Variants in ARHGEF2 observed in about 807,000 individuals in gnomAD.
ARHGEF2 encodes the protein Rho/Rac guanine nucleotide exchange factor 2, also known as rho guanine nucleotide exchange factor 2.
ARHGEF2 carries 22 observed loss-of-function variants against 121.0 expected under a neutral mutation model. The ratio of observed to expected loss-of-function variants is 0.18; its 90% CI spans 0.13 to 0.26. The LOEUF (loss-of-function observed/expected upper bound fraction) is 0.26, where lower values mean the gene tolerates loss of function less well. Among genes scored for constraint, ARHGEF2 ranks in the 10% least tolerant of loss-of-function variants. The pLI, the probability that ARHGEF2 is intolerant of heterozygous loss-of-function variation, is 1.00. For synonymous variants in ARHGEF2, 487 were observed against 530.0 expected (o/e 0.92, Z 1.11); for missense variants, 907 against 1,336.0 (o/e 0.68, Z 5.01).
chr1:155,961,258 T>C lies in ARHGEF2; in HGVS notation c.1468+403A>G, dbSNP rs1046630271. Among the ~76,000 whole-genome samples the C allele has an allele frequency of 4.6e-5, 7 of 151,438 alleles. No individual in the cohort carries two copies. Among genetic ancestry groups the C allele is most frequent in the Non-Finnish European group, 8.8e-5 (6 of 67,876 alleles). On this transcript the variant is annotated intron_variant, in intron 11 of 21. Transcript: ENST00000361247. The surrounding 1 kb of genome is among the most constrained non-coding windows in gnomAD (Gnocchi z 4.7). ...GAGTCTCACTGTTGTATGGGCTGCATAAAGGGAGGTTGATTCTTTTTTTTT... is the reference window on the plus strand; with the variant it reads ...GAGTCTCACTGTTGTATGGGCTGCACAAAGGGAGGTTGATTCTTTTTTTTT...
intron 1 of ARHGEF2, among the ~76,000 whole-genome samples, chr1:155,971,900 TAC>T (rs1157573122): frequency 4.9e-4 from 73 of 150,382 alleles, no homozygotes; most frequent in African/African-American, 1.7e-3. Context: ...AAAAAATATA[TAC>T]ATATATATAT....
intron 1 of ARHGEF2, among the ~76,000 whole-genome samples, chr1:155,976,228 G>A (rs1311094611): frequency 9.2e-5 from 14 of 151,908 alleles, no homozygotes. Flanking sequence ...TCCCACCACA[G>A]TATAAAAAGA....
At chr1:155,963,246 G>A (rs1437349095) in intron 7 of ARHGEF2, 63 bp from the exon 8 acceptor site, 14 of 1,560,430 alleles carry the variant, frequency 9.0e-6, no homozygotes, top group Non-Finnish European at 1.1e-5. Context: ...TGGGGCCCTA[G>A]GATAAGGACC....
At chr1:155,969,483 G>C in intron 1 of ARHGEF2, 183 bp from the exon 2 acceptor site, 1 of 1,427,162 alleles carries the variant, frequency 7.0e-7, no homozygotes, top group Non-Finnish European at 9.2e-7. Flanking sequence ...GGAGTGACCA[G>C]GCCAGGCTCT....
In ARHGEF2 at chr1:155,951,181, T is replaced by C. The variant is rs1675373474; in HGVS notation, c.2351A>G (p.Asp784Gly). The C allele has an allele frequency of 1.2e-6, 2 of 1,607,104 alleles. No individual in the cohort carries two copies. The highest frequency in any genetic ancestry group is 1.7e-6 in the Non-Finnish European group (2 of 1,178,126). ...AGCCCCAGCCCTGCCAGCCTCCCCA[T>C]CCCGAGAGTTGGCTCGGCACAGCTT... ...REKLCRANSR[D>G]GEAGRAGAAP... The change falls in exon 20 of 22, where the codon GAT (aspartate) becomes GGT (glycine). Residue 784 changes from aspartate to glycine, a missense_variant. Physicochemically the swap from Asp to Gly is moderately conservative, Grantham distance 94 (BLOSUM62 -1). This residue lies in a region of ARHGEF2 where 432 missense variants were observed against 559.5 expected (regional missense o/e 0.77). Transcript: ENST00000361247. This position sits in a 1 kb window ranked among gnomAD's most constrained non-coding sequence, Gnocchi z 5.1.
At chr1:155,969,061 A>G (rs1275229168) in intron 2 of ARHGEF2, 95 bp downstream of exon 2, 9 of 1,492,932 alleles carry the variant, frequency 6.0e-6, no homozygotes, top group Non-Finnish European at 8.3e-6. Context: ...CAGAGAGAAG[A>G]GTGACCCTCA....
At chr1:155,970,976 C>T in intron 1 of ARHGEF2, 1 of 986,506 alleles carries the variant, frequency 1.0e-6, no homozygotes, top group Non-Finnish European at 1.2e-6. Flanking sequence ...CTCTCTATGT[C>T]CTCCCTTCTC....
intron 11 of ARHGEF2, among the ~76,000 whole-genome samples, chr1:155,960,084 T>G (rs749093135): frequency 2.0e-5 from 3 of 152,012 alleles, no homozygotes; most frequent in Non-Finnish European, 4.4e-5. Context: ...TGCTTCACAC[T>G]CCAAGCTCTC....
intron 1 of ARHGEF2, chr1:155,969,709 G>C: frequency 9.9e-7 from 1 of 1,007,708 alleles, no homozygotes; most frequent in Non-Finnish European, 1.2e-6. Flanking sequence ...GAAGCGGAGG[G>C]TGCCAGCTCA....
upstream of ARHGEF2, chr1:155,979,176 C>T: frequency 1.0e-6 from 1 of 985,486 alleles, no homozygotes; most frequent in Non-Finnish European, 1.2e-6. Context: ...ACATGCCCCA[C>T]CCTTCTGGGG....
chr1:155,978,435 CG>C lies in ARHGEF2; in HGVS notation c.-9del, dbSNP rs927646876. 1.1e-5 allele frequency: 17 copies of C among 1,489,148 alleles called. No individual in the cohort carries two copies. Among genetic ancestry groups the C allele is most frequent in the African/African-American group, 1.1e-4 (8 of 70,906 alleles). The allele number at this position is 1,489,148 out of a possible 1,614,324, so 92.2% of individuals were successfully genotyped here. A position where few individuals can be genotyped will look rare whatever the true frequency, so the allele number is the denominator to read the frequency against. On this transcript the variant is annotated 5_prime_UTR_variant, in exon 1 of 22. Transcript: ENST00000361247. This position sits in a 1 kb window ranked among gnomAD's most constrained non-coding sequence, Gnocchi z 4.1. ...GGATTCGATCCGAGACATAATCGGACGGGGGGACCAGGGAGGACGCGGCGCG... is the reference window on the plus strand; with the variant it reads ...GGATTCGATCCGAGACATAATCGGACGGGGGACCAGGGAGGACGCGGCGCG...
chr1:155,965,767 G>A lies in ARHGEF2; in HGVS notation c.341-7C>T. The A allele has an allele frequency of 6.3e-7, 1 of 1,587,916 alleles. No individual in the cohort carries two copies. The highest frequency in any genetic ancestry group is 8.5e-7 in the Non-Finnish European group (1 of 1,173,250). ...GGCCGCTCCCGGATGGTTGCTGTGG[G>A]GGAGAGATGCCCAGCAGGCAAACAT... On this transcript the variant is annotated splice_region_variant and splice_polypyrimidine_tract_variant and intron_variant, in intron 4 of 21. Coordinates refer to ENST00000361247, the MANE Select transcript of ARHGEF2 (RefSeq NM_001162383.2). The surrounding 1 kb of genome is among the most constrained non-coding windows in gnomAD (Gnocchi z 6.0).
chr1:155,953,746 CAAAAAAA>C (rs926082849), intron 14 of ARHGEF2, among the ~76,000 whole-genome samples: 5 of 45,312 alleles, frequency 1.1e-4, no homozygotes, highest in Non-Finnish European at 1.9e-4. Context: ...GACCCTGTCT[CAAAAAAA>C]AAAAAAAAAA....
Position 155,947,736 on chromosome 1 carries a change from G to A in ARHGEF2, c.*206C>T. The A allele has an allele frequency of 3.7e-6, 2 of 545,370 alleles. No individual in the cohort carries two copies. Among genetic ancestry groups the A allele is most frequent in the Admixed American group, 6.6e-5 (2 of 30,200 alleles). The allele number at this position is 545,370 out of a possible 1,614,324, so 33.8% of individuals were successfully genotyped here. A position where few individuals can be genotyped will look rare whatever the true frequency, so the allele number is the denominator to read the frequency against. On this transcript the variant is annotated 3_prime_UTR_variant, in exon 22 of 22. Coordinates refer to ENST00000361247, the MANE Select transcript of ARHGEF2 (RefSeq NM_001162383.2). ...GGCATGAACCACTGGCATCTGTGGT[G>A]TAGCTTTCGGATGTCCCAGGGGGTG...
chr1:155,977,899 C>A (rs916268363), intron 1 of ARHGEF2, among the ~76,000 whole-genome samples: 5 of 152,268 alleles, frequency 3.3e-5, no homozygotes, highest in Middle Eastern at 6.8e-3. Flanking sequence ...GTCCCCTCCG[C>A]CGGATGGCGG....
rs750148704 is a variant in ARHGEF2 at position 155,965,787 on chromosome 1, A to C, written c.341-27T>G. 6.3e-7 allele frequency: 1 copy of C among 1,577,498 alleles called. No individual in the cohort carries two copies. Among genetic ancestry groups the C allele is most frequent in the East Asian group, 2.2e-5 (1 of 44,664 alleles). ...TGTGGGGGAGAGATGCCCAGCAGGC[A>C]AACATCAGACTCTGGTGCTTCCCAG... On this transcript the variant is annotated intron_variant, in intron 4 of 21. Coordinates refer to ENST00000361247, the MANE Select transcript of ARHGEF2 (RefSeq NM_001162383.2). This position sits in a 1 kb window ranked among gnomAD's most constrained non-coding sequence, Gnocchi z 6.0.
chr1:155,952,349 G>T, intron 15 of ARHGEF2, 114 bp from the exon 16 acceptor site: 1 of 1,447,158 alleles, frequency 6.9e-7, no homozygotes, highest in Non-Finnish European at 9.3e-7. Flanking sequence ...CCCTGCACTG[G>T]CAGTGGGGTT....
At chr1:155,954,439 A>AC (rs1435364849) in intron 14 of ARHGEF2, among the ~76,000 whole-genome samples, 2 of 138,190 alleles carry the variant, frequency 1.4e-5, no homozygotes, top group Non-Finnish European at 1.6e-5. Context: ...ACCCGCCACC[A>AC]CCCCCGACTA....
rs1039037663 is a variant in ARHGEF2, at chr1:155,962,471, G to A, written c.1101+122C>T. The A allele has an allele frequency of 5.1e-5, 71 of 1,396,044 alleles. 1 individual carries two copies. The Middle Eastern group carries it at 1.0e-3, about 20-fold the overall frequency. The allele number at this position is 1,396,044 out of a possible 1,614,324, so 86.5% of individuals were successfully genotyped here. A position where few individuals can be genotyped will look rare whatever the true frequency, so the allele number is the denominator to read the frequency against. On this transcript the variant is annotated intron_variant, in intron 9 of 21. Coordinates refer to ENST00000361247, the MANE Select transcript of ARHGEF2 (RefSeq NM_001162383.2). The surrounding 1 kb of genome is among the most constrained non-coding windows in gnomAD (Gnocchi z 5.8). ...TTACTGCTGACAGGATCTGTGTATG[G>A]ATGGTCTGCACGGGTGGCGAATGCC...
Sources: allele counts gnomAD v4.1 joint callset (sites outside exome capture counted in the v4.1 genomes callset), GRCh38; gene constraint gnomAD v4.1.1; regional missense constraint gnomAD v4.1.1; non-coding constraint Gnocchi (gnomAD v3.1); transcripts MANE v1.5; gene names NCBI Gene and HGNC (gene_info 2026-07-23, HGNC 2026-07-21).